The following PRELID2 variants were observed in gnomAD, a reference collection of about 807,000 sequenced individuals.
The protein encoded by PRELID2 is PRELI domain-containing protein 2.
A neutral mutation model predicts 28.4 loss-of-function variants in PRELID2; 25 were observed. The observed-to-expected ratio is 0.88, with a 90% CI of 0.64 to 1.23. PRELID2 has a LOEUF of 1.23. PRELID2 is among the 50% of genes most tolerant of loss of function. PRELID2 has a pLI of 0.00. For missense variants in PRELID2, 201 were observed against 214.4 expected (o/e 0.94, Z 0.39); for synonymous variants, 76 against 71.6 (o/e 1.06, Z -0.31).
At chr5:145,535,952 C>T (rs1385518350) in intron 1 of PRELID2, among the ~76,000 whole-genome samples, 1 of 151,890 alleles carries the variant, frequency 6.6e-6, no homozygotes, top group Non-Finnish European at 1.5e-5. Context: ...ACAACCAATT[C>T]CTCTGAAACC....
chr5:145,368,800 G>GT, the PRELID2 span, among the ~76,000 whole-genome samples: 2 of 150,484 alleles, frequency 1.3e-5, no homozygotes, highest in South Asian at 2.1e-4. Context: ...TTTTGTTGTT[G>GT]TTTTTTTTCA....
At chr5:145,688,974 T>C (rs1307999859) in intron 1 of PRELID2, among the ~76,000 whole-genome samples, 1 of 152,194 alleles carries the variant, frequency 6.6e-6, no homozygotes, top group Non-Finnish European at 1.5e-5. Flanking sequence ...TGTAAAGAAT[T>C]GTTAGCAAGG....
chr5:145,554,559 T>C (rs965390669), intron 1 of PRELID2, among the ~76,000 whole-genome samples: 3 of 152,204 alleles, frequency 2.0e-5, no homozygotes, highest in African/African-American at 7.2e-5. Context: ...AAAGAGCTGG[T>C]TGGCAACTCT....
At chr5:145,396,694 T>C in the PRELID2 span, among the ~76,000 whole-genome samples, 2,780 of 152,164 alleles carry the variant, frequency 0.018, 46 homozygotes, top group Middle Eastern at 0.027. Context: ...AGCAGATAAC[T>C]AAAATATCCC....
chr5:145,381,708 G>A, the PRELID2 span: 1 of 152,410 alleles, frequency 6.6e-6, no homozygotes, highest in Admixed American at 6.6e-5. Context: ...ATCCAGAACT[G>A]AGAGATTTTT....
intron 5 of PRELID2, among the ~76,000 whole-genome samples, chr5:145,774,168 T>G (rs1013149987): frequency 6.6e-6 from 1 of 152,230 alleles, no homozygotes; most frequent in Non-Finnish European, 1.5e-5. Flanking sequence ...CATTATCTCA[T>G]TTAACCCTCT....
chr5:145,489,229 A>G (rs531766155), intron 1 of PRELID2, among the ~76,000 whole-genome samples: 27 of 152,298 alleles, frequency 1.8e-4, no homozygotes, highest in African/African-American at 6.3e-4. Flanking sequence ...GGCCAGAGTC[A>G]GTTTATCTTA....
chr5:145,810,753 C>T (rs1196965389), intron 4 of PRELID2, among the ~76,000 whole-genome samples: 1 of 152,140 alleles, frequency 6.6e-6, no homozygotes, highest in Non-Finnish European at 1.5e-5. Flanking sequence ...TAAGCTTTCT[C>T]TATGTACGAC....
Position 145,637,714 on chromosome 5 carries a change from C to T in PRELID2, n.70+127217G>A, listed in dbSNP as rs529505303. On this transcript the variant is annotated intron_variant and non_coding_transcript_variant, in intron 1 of 2. Coordinates refer to the PRELID2 transcript ENST00000510259. The stretch of plus-strand genomic sequence containing the variant: ...GGGAGGAAACACAGAGGTCATCATT[C>T]CTAACTGCCTCTTTGAACACACACA... 2.6e-5 allele frequency among the ~76,000 whole-genome samples: 4 copies of T among 152,212 alleles called. No individual in the cohort carries two copies. The South Asian group carries it at 8.3e-4, about 32-fold the overall frequency.
chr5:145,734,403 T>C (rs1213033998), intron 1 of PRELID2, among the ~76,000 whole-genome samples: 1 of 152,230 alleles, frequency 6.6e-6, no homozygotes, highest in Non-Finnish European at 1.5e-5. Context: ...AACAGAAAAC[T>C]AGTGCACCAG....
Position 145,604,373 on chromosome 5 carries a change from G to A in PRELID2, n.71-131058C>T, listed in dbSNP as rs117609284. 7.6e-4 allele frequency among the ~76,000 whole-genome samples: 115 copies of A among 152,098 alleles called. No homozygotes were observed. In the East Asian group the frequency reaches 0.013, roughly 17 times the overall value. ...TGGTTTTCTGTCTGTGCACTAGTTC[G>A]CTTAGGATAATGGCCTCCAGTTGCA... On this transcript the variant is annotated intron_variant and non_coding_transcript_variant, in intron 1 of 2. Transcript: ENST00000510259.
the PRELID2 span, among the ~76,000 whole-genome samples, chr5:145,393,493 G>T: frequency 6.6e-6 from 1 of 152,222 alleles, no homozygotes; most frequent in Non-Finnish European, 1.5e-5. Context: ...GTTCAGAGAG[G>T]CTGTAGGGCT....
chr5:145,750,953 C>G (rs1381492321), intron 1 of PRELID2, among the ~76,000 whole-genome samples: 1 of 152,174 alleles, frequency 6.6e-6, no homozygotes, highest in African/African-American at 2.4e-5. Flanking sequence ...GGATTAAACA[C>G]TGTAGACTGA....
At chr5:145,776,141 G>T (rs1336311374) in intron 5 of PRELID2, among the ~76,000 whole-genome samples, 4 of 152,076 alleles carry the variant, frequency 2.6e-5, no homozygotes, top group Non-Finnish European at 4.4e-5. Flanking sequence ...ATATTAAGTG[G>T]AAAATTCCAG....
the PRELID2 span, among the ~76,000 whole-genome samples, chr5:145,372,410 T>C: frequency 1.3e-5 from 2 of 151,648 alleles, no homozygotes; most frequent in Non-Finnish European, 3.0e-5. Flanking sequence ...ACTAAGAATA[T>C]CCTTGTTAAT....
chr5:145,713,348 C>T (rs1581088054), intron 1 of PRELID2, among the ~76,000 whole-genome samples: 1 of 108,328 alleles, frequency 9.2e-6, no homozygotes, highest in East Asian at 2.2e-4. Flanking sequence ...TGATATCTGA[C>T]TTTATATATA....
the PRELID2 span, chr5:145,440,753 T>C: frequency 6.6e-6 from 1 of 152,106 alleles, no homozygotes; most frequent in African/African-American, 2.4e-5. Flanking sequence ...AACTTCTTAA[T>C]GATCTATGGA....
intron 1 of PRELID2, among the ~76,000 whole-genome samples, chr5:145,535,951 T>TC: frequency 6.6e-6 from 1 of 152,062 alleles, no homozygotes; most frequent in East Asian, 1.9e-4. Context: ...TACAACCAAT[T>TC]CCTCTGAAAC....
chr5:145,266,410 T>A, the PRELID2 span, among the ~76,000 whole-genome samples: 2 of 146,728 alleles, frequency 1.4e-5, no homozygotes, highest in Non-Finnish European at 3.0e-5. Flanking sequence ...AAAGAAGATA[T>A]ACAAATGACC....
Sources: allele counts gnomAD v4.1 joint callset (sites outside exome capture counted in the v4.1 genomes callset), GRCh38; gene constraint gnomAD v4.1.1; transcripts MANE v1.5; gene names NCBI Gene and HGNC (gene_info 2026-07-23, HGNC 2026-07-21).